SVEP1: variants seen among roughly 807,000 people sequenced by gnomAD.
The protein encoded by SVEP1 is sushi, von Willebrand factor type A, EGF and pentraxin domain-containing protein 1.
SVEP1 carries 164 observed loss-of-function variants against 367.3 expected under a neutral mutation model. That is an observed-to-expected ratio of 0.45 (90% CI 0.39 to 0.51). The LOEUF (loss-of-function observed/expected upper bound fraction) is 0.51. Among genes scored for constraint, SVEP1 ranks in the 20% least tolerant of loss-of-function variants. The pLI, the probability that SVEP1 is intolerant of heterozygous loss-of-function variation, is 0.00. For synonymous variants in SVEP1, 1,666 were observed against 1,611.6 expected (o/e 1.03, Z -0.81); for missense variants, 4,117 against 4,425.3 (o/e 0.93, Z 1.98).
intron 1 of SVEP1, among the ~76,000 whole-genome samples, chr9:110,550,524 A>ATCTATCTATCTATCTG (rs1272152421): frequency 1.4e-5 from 2 of 144,398 alleles, no homozygotes; most frequent in African/African-American, 5.2e-5. Context: ...CTATCTATCT[A>ATCTATCTATCTATCTG]TCTGTCTATC....
chr9:110,395,602 A>G (rs1014630434), intron 40 of SVEP1, among the ~76,000 whole-genome samples: 1 of 152,176 alleles, frequency 6.6e-6, no homozygotes, highest in African/African-American at 2.4e-5. Context: ...TATATTCAGG[A>G]AACCCATCTC....
chr9:110,526,189 G>A (rs1407740702), intron 3 of SVEP1, among the ~76,000 whole-genome samples: 4 of 151,996 alleles, frequency 2.6e-5, no homozygotes, highest in Non-Finnish European at 5.9e-5. Flanking sequence ...ACTGGACTTT[G>A]AACTTAAAAA....
chr9:110,415,554 G>A (rs1183331096), intron 36 of SVEP1, among the ~76,000 whole-genome samples: 2 of 152,020 alleles, frequency 1.3e-5, no homozygotes, highest in Admixed American at 6.5e-5. Flanking sequence ...CAAAGGCCAT[G>A]ACTTGAACAG....
intron 30 of SVEP1, 109 bp downstream of exon 30, chr9:110,434,225 GGT>G (rs1398254434): frequency 6.0e-6 from 7 of 1,170,086 alleles, no homozygotes; most frequent in Middle Eastern, 4.2e-4. Context: ...ATGAATATTT[GGT>G]ATATTTGCTA....
At chr9:110,460,428 T>C (rs901295152) in intron 18 of SVEP1, among the ~76,000 whole-genome samples, 4 of 152,232 alleles carry the variant, frequency 2.6e-5, no homozygotes, top group African/African-American at 7.2e-5. Context: ...GTTTTCTGTG[T>C]CCTTACTGAT....
At chr9:110,477,802 T>C (rs1439103439) in intron 13 of SVEP1, among the ~76,000 whole-genome samples, 1 of 152,162 alleles carries the variant, frequency 6.6e-6, no homozygotes, top group Non-Finnish European at 1.5e-5. Context: ...CCACCTCCAG[T>C]GCCACCCAAG....
chr9:110,434,666 T>TAAAGAAAAAAAAAAAAAAAA (rs1828404852), intron 29 of SVEP1, among the ~76,000 whole-genome samples, 160 bp from the exon 30 acceptor site: 1 of 40,620 alleles, frequency 2.5e-5, no homozygotes, highest in African/African-American at 1.0e-4. Context: ...GCAAAATCAC[T>TAAAGAAAAAAAAAAAAAAAA]AAAAAAAAAA....
intron 9 of SVEP1, among the ~76,000 whole-genome samples, chr9:110,484,023 G>T (rs1454293340): frequency 6.6e-6 from 1 of 152,178 alleles, no homozygotes; most frequent in Non-Finnish European, 1.5e-5. Context: ...GACCCAACTG[G>T]AAGGGAAGAG....
At chr9:110,538,438 T>C (rs534977829) in intron 3 of SVEP1, among the ~76,000 whole-genome samples, 19 of 152,204 alleles carry the variant, frequency 1.2e-4, no homozygotes, top group Non-Finnish European at 2.1e-4. Context: ...TGGTTTTCAT[T>C]CAAGAATTTC....
Position 110,404,522 on chromosome 9 carries a change from A to G in SVEP1, c.9471T>C (p.Asp3157=), listed in dbSNP as rs762592796. 1.2e-6 allele frequency: 2 copies of G among 1,614,038 alleles called. No individual in the cohort carries two copies. The highest frequency in any genetic ancestry group is 1.7e-6 in the Non-Finnish European group (2 of 1,179,876). The part of the protein sequence containing the change: ...RCLEGYTMDT[D]TDTFTCQKDG... The stretch of plus-strand genomic sequence containing the variant: ...CTTTCTGACAGGTGAATGTATCTGT[A>G]TCTGTATCCATCGTATAACCTTCCA... The change falls in exon 39 of 48, where the codon GAT becomes GAC. Residue 3157 remains aspartate (D), a synonymous_variant. Coordinates refer to ENST00000374469, the MANE Select transcript of SVEP1 (RefSeq NM_153366.4).
At position 110,425,658 on chromosome 9, in the gene SVEP1, T is replaced by G. The variant is rs529130705; in HGVS notation, c.5975+1933A>C. Among the ~76,000 whole-genome samples the G allele has an allele frequency of 7.2e-5, 11 of 152,356 alleles. No homozygotes were observed. The East Asian group carries it at 2.1e-3, about 29-fold the overall frequency. ...TTTTTTAATCGTTTTCATAATTGTC[T>G]TAATTGATTCTTTAAATCACTTTTA... On this transcript the variant is annotated intron_variant, in intron 36 of 47. Transcript: ENST00000374469.
chr9:110,376,638 C>T (rs964714130), intron 45 of SVEP1, among the ~76,000 whole-genome samples: 1 of 152,068 alleles, frequency 6.6e-6, no homozygotes, highest in African/African-American at 2.4e-5. Context: ...ATACACTGCT[C>T]CTGTTGAAAT....
chr9:110,515,579 C>T lies in SVEP1; in HGVS notation c.965-1473G>A, dbSNP rs182815587. 1.7e-3 allele frequency among the ~76,000 whole-genome samples: 259 copies of T among 152,244 alleles called. 1 individual carries two copies. Among genetic ancestry groups the T allele is most frequent in the African/African-American group, 6.0e-3 (251 of 41,556 alleles). Reference sequence around the variant, plus strand: ...CCTCCCAAAGTGCTGGGATTACAGGCGTGAGCCACCGCGCCCGGCCTATGT... The same window carrying T: ...CCTCCCAAAGTGCTGGGATTACAGGTGTGAGCCACCGCGCCCGGCCTATGT... On this transcript the variant is annotated intron_variant, in intron 3 of 47. Coordinates refer to ENST00000374469, the MANE Select transcript of SVEP1 (RefSeq NM_153366.4).
chr9:110,472,277 A>T lies in SVEP1; in HGVS notation c.2646T>A (p.Asp882Glu). Reference protein sequence around the residue: ...GAANRLDYSYDDFLDTVQETA... With the variant: ...GAANRLDYSYEDFLDTVQETA... ...TTTCTTGCACAGTGTCCAGGAAGTC[A>T]TCGTAAGAGTAATCCAGCCTATTAG... Residue 882 changes from aspartate to glutamate, a missense_variant, in exon 15 of 48, where the codon GAT (aspartate) becomes GAA (glutamate). By Grantham distance (45) the Asp-to-Glu change is conservative (BLOSUM62 2). Coordinates refer to ENST00000374469, the MANE Select transcript of SVEP1 (RefSeq NM_153366.4). The T allele has an allele frequency of 6.2e-7, 1 of 1,611,090 alleles. No homozygotes were observed. The highest frequency in any genetic ancestry group is 1.3e-5 in the African/African-American group (1 of 74,888).
chr9:110,443,401 G>T, intron 27 of SVEP1, 144 bp downstream of exon 27: 1 of 763,472 alleles, frequency 1.3e-6, no homozygotes, highest in Non-Finnish European at 1.9e-6. Context: ...CCACAGTTAG[G>T]ATAATCAGGG....
intron 28 of SVEP1, 42 bp from the exon 29 acceptor site, chr9:110,435,406 A>G (rs1828418265): frequency 1.2e-6 from 2 of 1,602,666 alleles, no homozygotes; most frequent in Non-Finnish European, 8.5e-7. Flanking sequence ...TACTTGTTCC[A>G]TTAAGATGGA....
intron 40 of SVEP1, among the ~76,000 whole-genome samples, chr9:110,390,475 T>C (rs1055112441): frequency 2.2e-4 from 33 of 150,614 alleles, no homozygotes; most frequent in African/African-American, 7.6e-4. Context: ...GGTAATTGTG[T>C]ATCCCAAAAT....
intron 5 of SVEP1, among the ~76,000 whole-genome samples, chr9:110,507,204 C>A (rs1829638980): frequency 1.3e-5 from 2 of 152,330 alleles, no homozygotes; most frequent in South Asian, 4.1e-4. Context: ...TTATAACAAT[C>A]TCTAAAGATT....
chr9:110,380,227 A>T (rs1827413759), intron 43 of SVEP1, among the ~76,000 whole-genome samples: 1 of 152,180 alleles, frequency 6.6e-6, no homozygotes, highest in African/African-American at 2.4e-5. Flanking sequence ...GAATTTTACA[A>T]GAAGCCTCAA....
Sources: allele counts gnomAD v4.1 joint callset (sites outside exome capture counted in the v4.1 genomes callset), GRCh38; gene constraint gnomAD v4.1.1; transcripts MANE v1.5; gene names NCBI Gene and HGNC (gene_info 2026-07-23, HGNC 2026-07-21).